The following OR1N1 variants were observed in gnomAD, a reference collection of about 807,000 sequenced individuals.
The protein encoded by OR1N1 is olfactory receptor family 1 subfamily N member 1, also known as olfactory receptor 1N1.
For missense variants in OR1N1, 388 were observed against 391.9 expected (o/e 0.99, Z 0.08); for synonymous variants, 130 against 151.2 (o/e 0.86, Z 1.03).
At position 122,526,556 on chromosome 9, in the gene OR1N1, A is replaced by G; in HGVS notation, c.738T>C (p.Val246=). ...FSTCSSHLCV[V]CVFYGTLFSA... The stretch of plus-strand genomic sequence containing the variant: ...TGAAGAGGGTCCCATAGAACACACA[A>G]ACAACGCAGAGGTGGGAACTGCAGG... The change falls in exon 1 of 1, where the codon GTT becomes GTC. Residue 246 remains valine, a synonymous_variant. Transcript: ENST00000304880. 6.2e-7 allele frequency: 1 copy of G among 1,612,866 alleles called. No individual in the cohort carries two copies.
At position 122,526,966 on chromosome 9, in the gene OR1N1, T is replaced by C; in HGVS notation, c.328A>G (p.Ser110Gly). Residue 110 changes from serine (S) to glycine (G), a missense_variant, in exon 1 of 1, where the codon AGC becomes GGC. Transcript: ENST00000304880. ...TACGCCATGGCAGCCAGGAAGAAGC[T>C]GTCTAGATCACCAAACATCAGAAAG... ...YFFLMFGDLD[S>G]FFLAAMAYDR... 1 of 1,614,196 alleles carries C rather than the reference T, an allele frequency of 6.2e-7. No homozygotes were observed.
In OR1N1 at chr9:122,527,140, G is replaced by A. The variant is rs1262432390; in HGVS notation, c.154C>T (p.His52Tyr). The A allele has an allele frequency of 3.1e-6, 5 of 1,614,208 alleles. No individual in the cohort carries two copies. The South Asian group carries it at 4.4e-5, about 14-fold the overall frequency. ...LIILAIGSDL[H>Y]LHTPMYFFLA... ...AAAAAGTACATGGGGGTGTGGAGGT[G>A]CAGGTCAGAGCCAATGGCCAGGATG... is the stretch of plus-strand genomic sequence containing the variant. Residue 52 changes from histidine to tyrosine, a missense_variant, in exon 1 of 1, where the codon CAC (histidine) becomes TAC (tyrosine). Coordinates refer to ENST00000304880, the MANE Select transcript of OR1N1 (RefSeq NM_012363.1).
At position 122,526,925 on chromosome 9, in the gene OR1N1, G is replaced by C. The variant is rs534948923; in HGVS notation, c.369C>G (p.Ala123=). The C allele has an allele frequency of 6.2e-7, 1 of 1,614,140 alleles. No homozygotes were observed. The highest frequency in any genetic ancestry group is 1.3e-5 in the African/African-American group (1 of 75,028). ...LAAMAYDRYV[A]ICHPLCYSTV... is the part of the protein sequence containing the mutation. The stretch of plus-strand genomic sequence containing the variant: ...TGGAGTAGCAGAGGGGGTGGCAAAT[G>C]GCCACATAGCGGTCATACGCCATGG... The change falls in exon 1 of 1, where the codon GCC becomes GCG. Residue 123 remains alanine, a synonymous_variant. Transcript: ENST00000304880.
In OR1N1 at chr9:122,526,527, G is replaced by C. The variant is rs1341668337; in HGVS notation, c.767C>G (p.Ala256Gly). The C allele has an allele frequency of 6.2e-7, 1 of 1,603,888 alleles. No individual in the cohort carries two copies. The highest frequency in any genetic ancestry group is 2.2e-5 in the East Asian group (1 of 44,840). The change falls in exon 1 of 1, where the codon GCC becomes GGC. Residue 256 changes from alanine to glycine, a missense_variant. Transcript: ENST00000304880. ...GGCAATGGAGGGAGGACACAGGTAG[G>C]CACTGAAGAGGGTCCCATAGAACAC... ...VCVFYGTLFS[A>G]YLCPPSIASE... is the part of the protein sequence containing the mutation.
chr9:122,526,508 G>GA lies in OR1N1; in HGVS notation c.785_786insT (p.Ile263HisfsTer4). Reference sequence around the variant, plus strand: ...CAATGTCCTTCTCTTCAGAGGCAATGGAGGGAGGACACAGGTAGGCACTGA... The same window carrying GA: ...CAATGTCCTTCTCTTCAGAGGCAATGAGAGGGAGGACACAGGTAGGCACTGA... On this transcript the variant is annotated frameshift_variant, in exon 1 of 1. Coordinates refer to ENST00000304880, the MANE Select transcript of OR1N1 (RefSeq NM_012363.1). LOFTEE classifies it low-confidence loss of function (END_TRUNC). The GA allele has an allele frequency of 6.3e-7, 1 of 1,592,280 alleles. No homozygotes were observed.
rs868100932 is a variant in OR1N1 at position 122,526,543 on chromosome 9, C to A, written c.751G>T (p.Gly251Trp). ...SHLCVVCVFY[G>W]TLFSAYLCPP... ...CACAGGTAGGCACTGAAGAGGGTCC[C>A]ATAGAACACACAAACAACGCAGAGG... The change falls in exon 1 of 1, where the codon GGG becomes TGG. Residue 251 changes from glycine (G) to tryptophan (W), a missense_variant. Transcript: ENST00000304880. 6.2e-7 allele frequency: 1 copy of A among 1,610,710 alleles called. No individual in the cohort carries two copies. The highest frequency in any genetic ancestry group is 1.3e-5 in the African/African-American group (1 of 74,980).
Position 122,527,178 on chromosome 9 carries a change from C to T in OR1N1, c.116G>A (p.Gly39Glu). Residue 39 changes from glycine to glutamate, a missense_variant, in exon 1 of 1, where the codon GGG (glycine) becomes GAG (glutamate). Physicochemically the swap from Gly to Glu is moderately conservative, Grantham distance 98 (BLOSUM62 -2). Transcript: ENST00000304880. ...FLCMYLVTLT[G>E]NLLIILAIGS... ...AATGGCCAGGATGATGAGCAGGTTC[C>T]CAGTCAAGGTGACAAGATACATACA... 2 of 1,614,142 alleles carry T rather than the reference C, an allele frequency of 1.2e-6. No homozygotes were observed. Among genetic ancestry groups the T allele is most frequent in the Non-Finnish European group, 1.7e-6 (2 of 1,180,012 alleles).
chr9:122,526,640 G>T lies in OR1N1; in HGVS notation c.654C>A (p.His218Gln), dbSNP rs530490256. The change falls in exon 1 of 1, where the codon CAC (histidine) becomes CAA (glutamine). Residue 218 changes from histidine (H) to glutamine (Q), a missense_variant. By Grantham distance (24) the His-to-Gln change is conservative. Coordinates refer to ENST00000304880, the MANE Select transcript of OR1N1 (RefSeq NM_012363.1). ...PFLCIVTSYI[H>Q]IVPAILRVRT... ...GGACCCTCAGGATAGCTGGCACAAT[G>T]TGGATGTAGGAGGTGACAATGCATA... 8 of 1,614,186 alleles carry T rather than the reference G, an allele frequency of 5.0e-6. No homozygotes were observed. The African/African-American group carries it at 8.0e-5, about 16-fold the overall frequency.
rs1180609927 is a variant in OR1N1, at chr9:122,526,358, C to A, written c.936G>T (p.Ter312TyrextTer?). The A allele has an allele frequency of 6.7e-7, 1 of 1,484,150 alleles. No individual in the cohort carries two copies. The highest frequency in any genetic ancestry group is 2.3e-5 in the East Asian group (1 of 43,656). The allele number at this position is 1,484,150 out of a possible 1,614,324, so 91.9% of individuals were successfully genotyped here. The change falls in exon 1 of 1, where the codon TAG becomes TAT. Residue 312 changes from the stop codon to tyrosine, a stop_lost. Coordinates refer to ENST00000304880, the MANE Select transcript of OR1N1 (RefSeq NM_012363.1). Reference protein sequence around the residue: ...LFSHRSIVSS* With the variant: ...LFSHRSIVSSY ...TCATTAAATGTTGCTGTCACCACAT[C>A]TAAGAGGAAACAATACTCCTGTGAC...
At position 122,526,492 on chromosome 9, in the gene OR1N1, T is replaced by A. The variant is rs769676790; in HGVS notation, c.802A>T (p.Lys268Ter). The A allele has an allele frequency of 2.7e-5, 43 of 1,579,562 alleles. No individual in the cohort carries two copies. The highest frequency in any genetic ancestry group is 5.3e-5 in the Admixed American group (3 of 56,290). ...TACATTGCAGCTGCTGCAATGTCCT[T>A]CTCTTCAGAGGCAATGGAGGGAGGA... ...LCPPSIASEE[K>*]DIAAAAMYTI... Residue 268 changes from lysine to a stop codon, truncating the protein, a stop_gained, in exon 1 of 1, where the codon AAG (lysine) becomes TAG (stop). Transcript: ENST00000304880. LOFTEE classifies it low-confidence loss of function (END_TRUNC).
Position 122,527,250 on chromosome 9 carries a change from A to G in OR1N1, c.44T>C (p.Ile15Thr), listed in dbSNP as rs1307643389. ...CTGCTGTTGCTCTGGAGGCGCTGAT[A>G]TTCCTCGGAGGAAAAATTCAGAAAT... is the stretch of plus-strand genomic sequence containing the variant. ...SSISEFFLRG[I>T]SAPPEQQQSL... is the part of the protein sequence containing the mutation. The change falls in exon 1 of 1, where the codon ATA becomes ACA. Residue 15 changes from isoleucine to threonine, a missense_variant. Coordinates refer to ENST00000304880, the MANE Select transcript of OR1N1 (RefSeq NM_012363.1). The G allele has an allele frequency of 5.0e-6, 8 of 1,612,788 alleles. No homozygotes were observed. The highest frequency in any genetic ancestry group is 6.8e-6 in the Non-Finnish European group (8 of 1,179,108).
chr9:122,526,484 A>T lies in OR1N1; in HGVS notation c.810T>A (p.Ile270=). Residue 270 remains isoleucine, a synonymous_variant, in exon 1 of 1, where the codon ATT becomes ATA. Transcript: ENST00000304880. ...CTATGGTGTACATTGCAGCTGCTGC[A>T]ATGTCCTTCTCTTCAGAGGCAATGG... ...PPSIASEEKD[I]AAAAMYTIVT... 6.4e-7 allele frequency: 1 copy of T among 1,574,290 alleles called. No homozygotes were observed. Among genetic ancestry groups the T allele is most frequent in the Non-Finnish European group, 8.6e-7 (1 of 1,161,300 alleles).
Position 122,526,651 on chromosome 9 carries a change from A to C in OR1N1, c.643T>G (p.Ser215Ala). 6.2e-7 allele frequency: 1 copy of C among 1,614,200 alleles called. No homozygotes were observed. The highest frequency in any genetic ancestry group is 8.5e-7 in the Non-Finnish European group (1 of 1,180,036). ...ATAGCTGGCACAATGTGGATGTAGG[A>C]GGTGACAATGCATAAAAAGGGGACG... ...LIVPFLCIVT[S>A]YIHIVPAILR... Residue 215 changes from serine to alanine, a missense_variant, in exon 1 of 1, where the codon TCC becomes GCC. Ser to Ala is a moderately conservative substitution (Grantham distance 99). Coordinates refer to ENST00000304880, the MANE Select transcript of OR1N1 (RefSeq NM_012363.1).
Position 122,526,421 on chromosome 9 carries a change from C to G in OR1N1, c.873G>C (p.Arg291Ser), listed in dbSNP as rs756622437. The G allele has an allele frequency of 6.6e-7, 1 of 1,517,960 alleles. No individual in the cohort carries two copies. Among genetic ancestry groups the G allele is most frequent in the East Asian group, 2.3e-5 (1 of 44,082 alleles). The allele number at this position is 1,517,960 out of a possible 1,614,324, so 94.0% of individuals were successfully genotyped here. Residue 291 changes from arginine to serine, a missense_variant, in exon 1 of 1, where the codon AGG becomes AGC. By Grantham distance (110) the Arg-to-Ser change is moderately radical. Coordinates refer to ENST00000304880, the MANE Select transcript of OR1N1 (RefSeq NM_012363.1). ...PMLNPFIYSLRNKDMKGALKR... is the reference protein window; with the variant it reads ...PMLNPFIYSLSNKDMKGALKR... ...TTAGGGCCCCCTTCATGTCCTTGTT[C>G]CTTAGGCTATAGATAAAGGGGTTCA... is the stretch of plus-strand genomic sequence containing the variant.
chr9:122,526,927 C>G lies in OR1N1; in HGVS notation c.367G>C (p.Ala123Pro). Reference sequence around the variant, plus strand: ...GAGTAGCAGAGGGGGTGGCAAATGGCCACATAGCGGTCATACGCCATGGCA... The same window carrying G: ...GAGTAGCAGAGGGGGTGGCAAATGGGCACATAGCGGTCATACGCCATGGCA... ...LAAMAYDRYVAICHPLCYSTV... is the reference protein window; with the variant it reads ...LAAMAYDRYVPICHPLCYSTV... Residue 123 changes from alanine (A) to proline (P), a missense_variant, in exon 1 of 1, where the codon GCC becomes CCC. Physicochemically the swap from Ala to Pro is conservative, Grantham distance 27 (BLOSUM62 -1). Transcript: ENST00000304880. 1.2e-6 allele frequency: 2 copies of G among 1,614,152 alleles called. No homozygotes were observed. Among genetic ancestry groups the G allele is most frequent in the Non-Finnish European group, 1.7e-6 (2 of 1,180,022 alleles).
Position 122,526,958 on chromosome 9 carries a change from G to A in OR1N1, c.336C>T (p.Phe112=). 1 of 1,614,236 alleles carries A rather than the reference G, an allele frequency of 6.2e-7. No individual in the cohort carries two copies. Among genetic ancestry groups the A allele is most frequent in the East Asian group, 2.2e-5 (1 of 44,886 alleles). Reference sequence around the variant, plus strand: ...AGCGGTCATACGCCATGGCAGCCAGGAAGAAGCTGTCTAGATCACCAAACA... The same window carrying A: ...AGCGGTCATACGCCATGGCAGCCAGAAAGAAGCTGTCTAGATCACCAAACA... ...FLMFGDLDSF[F]LAAMAYDRYV... The change falls in exon 1 of 1, where the codon TTC becomes TTT. Residue 112 remains phenylalanine, a synonymous_variant. Coordinates refer to ENST00000304880, the MANE Select transcript of OR1N1 (RefSeq NM_012363.1).
Position 122,526,915 on chromosome 9 carries a change from G to T in OR1N1, c.379C>A (p.Pro127Thr). Reference sequence around the variant, plus strand: ...CTCATGACTGTGGAGTAGCAGAGGGGGTGGCAAATGGCCACATAGCGGTCA... The same window carrying T: ...CTCATGACTGTGGAGTAGCAGAGGGTGTGGCAAATGGCCACATAGCGGTCA... Reference protein sequence around the residue: ...AYDRYVAICHPLCYSTVMRPQ... With the variant: ...AYDRYVAICHTLCYSTVMRPQ... The change falls in exon 1 of 1, where the codon CCC becomes ACC. Residue 127 changes from proline to threonine, a missense_variant. Coordinates refer to ENST00000304880, the MANE Select transcript of OR1N1 (RefSeq NM_012363.1). The T allele has an allele frequency of 6.2e-7, 1 of 1,614,148 alleles. No homozygotes were observed. Among genetic ancestry groups the T allele is most frequent in the South Asian group, 1.1e-5 (1 of 91,076 alleles).
Position 122,526,424 on chromosome 9 carries a change from TAGGCTATAGATAA to T in OR1N1, c.857_869del (p.Phe286Ter). On this transcript the variant is annotated frameshift_variant, in exon 1 of 1. Coordinates refer to ENST00000304880, the MANE Select transcript of OR1N1 (RefSeq NM_012363.1). LOFTEE classifies it low-confidence loss of function (END_TRUNC). The stretch of plus-strand genomic sequence containing the variant: ...GGGCCCCCTTCATGTCCTTGTTCCT[TAGGCTATAGATAA>T]AGGGGTTCAACATGGGAGTCACTAT... 6.6e-7 allele frequency: 1 copy of T among 1,518,312 alleles called. No individual in the cohort carries two copies. 94.1% of individuals were successfully genotyped at this position (1,518,312 alleles called of 1,614,324 possible).
At position 122,526,861 on chromosome 9, in the gene OR1N1, A is replaced by G. The variant is rs919272525; in HGVS notation, c.433T>C (p.Leu145=). The G allele has an allele frequency of 2.5e-6, 4 of 1,614,064 alleles. No individual in the cohort carries two copies. The South Asian group carries it at 3.3e-5, about 13-fold the overall frequency. Residue 145 remains leucine (L), a synonymous_variant, in exon 1 of 1, where the codon TTG becomes CTG. Coordinates refer to ENST00000304880, the MANE Select transcript of OR1N1 (RefSeq NM_012363.1). The part of the protein sequence containing the change: ...RPQVCALMLA[L]CWVLTNIVAL... Reference sequence around the variant, plus strand: ...ACGATATTGGTGAGGACCCAGCACAATGCAAGCATTAGGGCACAGACTTGG... The same window carrying G: ...ACGATATTGGTGAGGACCCAGCACAGTGCAAGCATTAGGGCACAGACTTGG...
Sources: gnomAD v4.1 joint callset for allele counts on GRCh38, gnomAD v4.1.1 for gene constraint, MANE v1.5 for transcripts, NCBI Gene and HGNC (gene_info 2026-07-23, HGNC 2026-07-21) for gene names.